The following SOX5 variants were observed in gnomAD, a reference collection of about 807,000 sequenced individuals.
SOX5 encodes the protein transcription factor SOX-5.
Under a neutral mutation model 92.0 loss-of-function variants are expected in SOX5, and 9 were observed. The observed-to-expected ratio is 0.10, with a 90% CI of 0.06 to 0.17. The LOEUF (loss-of-function observed/expected upper bound fraction) is 0.17, where lower values mean the gene tolerates loss of function less well. Ranked by LOEUF, SOX5 falls within the 10% of genes least tolerant of loss-of-function variation. SOX5 has a pLI of 1.00. For missense variants in SOX5, 642 were observed against 944.5 expected (o/e 0.68, Z 4.20); for synonymous variants, 344 against 336.3 (o/e 1.02, Z -0.25).
intron 9 of SOX5, among the ~76,000 whole-genome samples, chr12:23,583,096 C>T (rs910515967): frequency 3.9e-5 from 6 of 152,030 alleles, no homozygotes; most frequent in Admixed American, 3.9e-4. Context: ...TTCACATTCA[C>T]TTTTTAATTT....
intron 2 of SOX5, among the ~76,000 whole-genome samples, chr12:24,363,853 T>C (rs1230824102): frequency 9.9e-5 from 15 of 152,180 alleles, no homozygotes; most frequent in African/African-American, 9.6e-5. Flanking sequence ...GAAATGTCCA[T>C]GAAGGTGAGG....
chr12:23,911,126 C>CA (rs549559743), intron 1 of SOX5, among the ~76,000 whole-genome samples: 37 of 150,872 alleles, frequency 2.5e-4, no homozygotes, highest in Middle Eastern at 3.4e-3. Context: ...AGAAGAAAAA[C>CA]AAAAAAAAAT....
chr12:24,269,839 A>ATTTTT (rs56939628), intron 3 of SOX5, among the ~76,000 whole-genome samples: 3 of 62,096 alleles, frequency 4.8e-5, no homozygotes, highest in African/African-American at 1.1e-4. Context: ...CCACCATGCA[A>ATTTTT]TTTTTTTTTT....
intron 3 of SOX5, among the ~76,000 whole-genome samples, chr12:23,756,780 A>G (rs1260365444): frequency 2.6e-5 from 4 of 151,896 alleles, no homozygotes; most frequent in African/African-American, 9.7e-5. Context: ...TTTACTCCCT[A>G]CTAGGAGCAT....
chr12:24,399,894 C>T (rs74070040), intron 1 of SOX5, among the ~76,000 whole-genome samples: 4,300 of 152,220 alleles, frequency 0.028, 176 homozygotes, highest in African/African-American at 0.094. Flanking sequence ...TTTCTCCATT[C>T]AACATAATAC....
At chr12:24,130,412 A>C (rs2138482043) in intron 4 of SOX5, among the ~76,000 whole-genome samples, 1 of 152,338 alleles carries the variant, frequency 6.6e-6, no homozygotes, top group African/African-American at 2.4e-5. Context: ...GAAAGAGGGC[A>C]GGTGGTATAA....
chr12:23,647,345 T>C (rs1242703562), intron 7 of SOX5, among the ~76,000 whole-genome samples: 1 of 152,212 alleles, frequency 6.6e-6, no homozygotes, highest in Non-Finnish European at 1.5e-5. Context: ...CTTTTGCTGT[T>C]CCATTTATAG....
At chr12:23,578,018 G>T (rs991100619) in intron 9 of SOX5, among the ~76,000 whole-genome samples, 1 of 147,514 alleles carries the variant, frequency 6.8e-6, no homozygotes. Context: ...CTACTCAGGA[G>T]GCTAAGGCAG....
At chr12:24,363,838 G>T (rs1318880019) in intron 2 of SOX5, among the ~76,000 whole-genome samples, 2 of 152,172 alleles carry the variant, frequency 1.3e-5, no homozygotes, top group Non-Finnish European at 2.9e-5. Context: ...TTCCTCTGAA[G>T]TAGAGAAATG....
intron 1 of SOX5, among the ~76,000 whole-genome samples, chr12:23,917,203 T>G (rs2097425742): frequency 6.6e-6 from 1 of 152,092 alleles, no homozygotes. Flanking sequence ...TTTAAAATAA[T>G]TAAAAGCATT....
At chr12:23,594,174 GA>G (rs1356724871) in intron 9 of SOX5, among the ~76,000 whole-genome samples, 1 of 151,244 alleles carries the variant, frequency 6.6e-6, no homozygotes, top group Non-Finnish European at 1.5e-5. Context: ...TATTGCCAGC[GA>G]AAACCTGCTG....
intron 1 of SOX5, among the ~76,000 whole-genome samples, chr12:24,490,454 T>C (rs1946944454): frequency 6.6e-6 from 1 of 152,212 alleles, no homozygotes; most frequent in South Asian, 2.1e-4. Flanking sequence ...TGTTACTCTT[T>C]TTTACAAAGC....
intron 4 of SOX5, among the ~76,000 whole-genome samples, chr12:24,130,512 A>G (rs893308947): frequency 2.6e-5 from 4 of 152,198 alleles, no homozygotes; most frequent in Non-Finnish European, 4.4e-5. Context: ...TTATTCATAT[A>G]TAGATATTTC....
chr12:23,612,709 TA>T (rs1294574074), intron 8 of SOX5, among the ~76,000 whole-genome samples: 2 of 152,174 alleles, frequency 1.3e-5, no homozygotes, highest in Non-Finnish European at 2.9e-5. Context: ...TGTTAAAGTT[TA>T]AATAAAACCT....
intron 10 of SOX5, among the ~76,000 whole-genome samples, chr12:23,564,373 C>G (rs529940128): frequency 1.3e-5 from 2 of 152,214 alleles, no homozygotes; most frequent in African/African-American, 4.8e-5. Flanking sequence ...TTCTCTCTCC[C>G]TATCTTTTAA....
intron 1 of SOX5, among the ~76,000 whole-genome samples, chr12:23,906,438 T>C (rs1022214103): frequency 1.3e-5 from 2 of 152,252 alleles, no homozygotes; most frequent in African/African-American, 2.4e-5. Context: ...AAATTGTGAC[T>C]GCACTAGACT....
chr12:23,605,445 T>A (rs1187615862), intron 8 of SOX5, among the ~76,000 whole-genome samples: 1 of 148,788 alleles, frequency 6.7e-6, no homozygotes, highest in East Asian at 1.9e-4. Context: ...ATATCATATA[T>A]TTAAATTACT....
At chr12:23,798,881 T>C (rs780732900) in intron 3 of SOX5, among the ~76,000 whole-genome samples, 80 of 152,148 alleles carry the variant, frequency 5.3e-4, no homozygotes, top group Non-Finnish European at 9.3e-4. Context: ...AAAGCAAATA[T>C]ACATGTACAT....
intron 2 of SOX5, among the ~76,000 whole-genome samples, chr12:24,278,368 T>A (rs1944738939): frequency 6.6e-6 from 1 of 152,180 alleles, no homozygotes; most frequent in African/African-American, 2.4e-5. Context: ...ATTAGTTTAC[T>A]CATTACTTCA....
Sources: allele counts gnomAD v4.1 joint callset (sites outside exome capture counted in the v4.1 genomes callset), GRCh38; gene constraint gnomAD v4.1.1; transcripts MANE v1.5; gene names NCBI Gene and HGNC (gene_info 2026-07-23, HGNC 2026-07-21).